SCEL: variants seen among roughly 807,000 people sequenced by gnomAD.
SCEL encodes the protein sciellin.
Under a neutral mutation model 117.6 loss-of-function variants are expected in SCEL, and 113 were observed. The observed-to-expected ratio is 0.96, with a 90% CI of 0.83 to 1.12. The LOEUF is 1.12. Among genes scored for constraint, SCEL ranks in the 50% most tolerant of loss-of-function variants. SCEL has a pLI of 0.00. For missense variants in SCEL, 785 were observed against 810.8 expected (o/e 0.97, Z 0.39); for synonymous variants, 270 against 256.2 (o/e 1.05, Z -0.51).
intron 8 of SCEL, among the ~76,000 whole-genome samples, chr13:77,571,612 C>T (rs901823535): frequency 2.6e-5 from 4 of 150,980 alleles, no homozygotes; most frequent in Non-Finnish European, 5.9e-5. Context: ...CTGCTTGAAC[C>T]CGGGAGACGG....
At chr13:77,643,982 C>T (rs2090682778) in intron 32 of SCEL, among the ~76,000 whole-genome samples, 1 of 152,074 alleles carries the variant, frequency 6.6e-6, no homozygotes, top group African/African-American at 2.4e-5. Flanking sequence ...GTTTTTATGT[C>T]TTCCTCCCTA....
intron 9 of SCEL, among the ~76,000 whole-genome samples, chr13:77,586,098 C>T (rs1296831209): frequency 1.3e-5 from 2 of 152,102 alleles, no homozygotes; most frequent in Non-Finnish European, 2.9e-5. Flanking sequence ...GTCTCTGAGA[C>T]ACTCACACTC....
At chr13:77,608,744 G>A (rs917283596) in intron 20 of SCEL, among the ~76,000 whole-genome samples, 27 of 152,162 alleles carry the variant, frequency 1.8e-4, no homozygotes, top group Non-Finnish European at 1.8e-4. Flanking sequence ...AGCATTAGAT[G>A]GAATGCTTAG....
intron 31 of SCEL, 125 bp from the exon 32 acceptor site, chr13:77,642,581 A>G (rs2090608195): frequency 1.9e-6 from 1 of 534,460 alleles, no homozygotes; most frequent in Non-Finnish European, 3.3e-6. Flanking sequence ...CTGTGAGTGA[A>G]GTAGAAAACT....
At chr13:77,581,379 T>C (rs2086252763) in intron 9 of SCEL, among the ~76,000 whole-genome samples, 1 of 152,224 alleles carries the variant, frequency 6.6e-6, no homozygotes, top group Non-Finnish European at 1.5e-5. Context: ...CAATGAATTA[T>C]TTTTTCTTCA....
chr13:77,610,054 A>G lies in SCEL; in HGVS notation c.1285A>G (p.Ser429Gly). The change falls in exon 22 of 33, where the codon AGT (serine) becomes GGT (glycine). Residue 429 changes from serine to glycine, a missense_variant. Ser to Gly is a moderately conservative substitution (Grantham distance 56, BLOSUM62 0). Transcript: ENST00000349847. ...ATTTTCTATGTTTTTAAGGGGCCAA[A>G]GTCTCGACAGCCTCATTAAAGTGAC... Reference protein sequence around the residue: ...GTEKSTEGGQSLDSLIKVTPE... With the variant: ...GTEKSTEGGQGLDSLIKVTPE... The G allele has an allele frequency of 6.2e-7, 1 of 1,609,192 alleles. No homozygotes were observed. The highest frequency in any genetic ancestry group is 8.5e-7 in the Non-Finnish European group (1 of 1,177,318).
At chr13:77,575,961 T>C (rs1012589455) in intron 9 of SCEL, among the ~76,000 whole-genome samples, 1 of 152,212 alleles carries the variant, frequency 6.6e-6, no homozygotes, top group Non-Finnish European at 1.5e-5. Flanking sequence ...CCTCTGTCTC[T>C]CCTCCTACCT....
intron 11 of SCEL, among the ~76,000 whole-genome samples, chr13:77,591,760 G>T (rs566125592): frequency 2.6e-5 from 4 of 152,184 alleles, no homozygotes; most frequent in Admixed American, 2.6e-4. Context: ...CTGCTCTGAG[G>T]TCTATGATAT....
rs377077015 is a variant in SCEL at position 77,608,338 on chromosome 13, G to A, written c.1217+223G>A. ...TGTTTGGCCGGGTACGGTGGCTCAC[G>A]CCTGTAATCCCAGCACTTTGGGAGG... On this transcript the variant is annotated intron_variant, in intron 20 of 32. Transcript: ENST00000349847. 1.4e-3 allele frequency among the ~76,000 whole-genome samples: 216 copies of A among 152,252 alleles called. 6 individuals carry two copies. The South Asian group carries it at 0.044, about 31-fold the overall frequency.
chr13:77,556,769 G>C (rs1703187127), intron 3 of SCEL, 56 bp downstream of exon 3: 2 of 1,197,188 alleles, frequency 1.7e-6, no homozygotes, highest in African/African-American at 3.0e-5. Context: ...GGCATTATCT[G>C]TTTGGGAAGC....
At chr13:77,545,964 G>A (rs2083964738) in intron 1 of SCEL, among the ~76,000 whole-genome samples, 1 of 152,198 alleles carries the variant, frequency 6.6e-6, no homozygotes, top group African/African-American at 2.4e-5. Flanking sequence ...ATTATCACCT[G>A]TAAATAGAAT....
chr13:77,587,444 A>T (rs1461634805), intron 9 of SCEL, among the ~76,000 whole-genome samples: 1 of 151,896 alleles, frequency 6.6e-6, no homozygotes, highest in Non-Finnish European at 1.5e-5. Context: ...GTAGCTACCC[A>T]TTTCTGTCTT....
At chr13:77,554,120 CAG>C (rs2084509938) in intron 1 of SCEL, among the ~76,000 whole-genome samples, 1 of 152,072 alleles carries the variant, frequency 6.6e-6, no homozygotes, top group Non-Finnish European at 1.5e-5. Context: ...GGGAGTGAGG[CAG>C]GGGGAGGCCA....
intron 24 of SCEL, 32 bp downstream of exon 24, chr13:77,613,987 C>T: frequency 6.4e-7 from 1 of 1,569,040 alleles, no homozygotes; most frequent in Non-Finnish European, 8.7e-7. Flanking sequence ...TGTTGTGTTT[C>T]TCGTTAAGTA....
intron 20 of SCEL, 58 bp downstream of exon 20, chr13:77,608,173 G>A (rs1343681436): frequency 2.9e-6 from 4 of 1,357,372 alleles, no homozygotes; most frequent in Non-Finnish European, 4.1e-6. Flanking sequence ...GTGGCACTCA[G>A]GAAAGAAGAT....
chr13:77,602,094 T>C lies in SCEL; in HGVS notation c.947T>C (p.Val316Ala). ...CAAAGCCTTGGAAGTCCGATTAAAG[T>C]TAATCAAAGGACTGACAAAAATGAG... ...GIQSLGSPIK[V>A]NQRTDKNEKG... Residue 316 changes from valine (V) to alanine (A), a missense_variant, in exon 16 of 33, where the codon GTT (valine) becomes GCT (alanine). By Grantham distance (64) the Val-to-Ala change is moderately conservative. Coordinates refer to ENST00000349847, the MANE Select transcript of SCEL (RefSeq NM_144777.3). The C allele has an allele frequency of 6.2e-7, 1 of 1,611,724 alleles. No homozygotes were observed. The highest frequency in any genetic ancestry group is 8.5e-7 in the Non-Finnish European group (1 of 1,179,032).
At position 77,608,129 on chromosome 13, in the gene SCEL, C is replaced by T. The variant is rs371996644; in HGVS notation, c.1217+14C>T. The stretch of plus-strand genomic sequence containing the variant: ...AAGTAACCAAGGGTGAGGACTATGT[C>T]TTACCTCTCTTCCTTCCCCTTCCCC... On this transcript the variant is annotated intron_variant, in intron 20 of 32. Transcript: ENST00000349847. 1 of 1,590,706 alleles carries T rather than the reference C, an allele frequency of 6.3e-7. No homozygotes were observed. Among genetic ancestry groups the T allele is most frequent in the African/African-American group, 1.3e-5 (1 of 74,188 alleles).
In SCEL at chr13:77,640,693, A is replaced by T. The variant is rs371220383; in HGVS notation, c.1856A>T (p.Asp619Val). Residue 619 changes from aspartate to valine, a missense_variant, in exon 31 of 33, where the codon GAT becomes GTT. By Grantham distance (152) the Asp-to-Val change is radical (BLOSUM62 -3). Coordinates refer to ENST00000349847, the MANE Select transcript of SCEL (RefSeq NM_144777.3). ...TTCTATAGGTCTGTCATTGAAAGAG[A>T]TATGTGCACTTACTGCCGAAAACCC... Reference protein sequence around the residue: ...STSDRSVIERDMCTYCRKPLG... With the variant: ...STSDRSVIERVMCTYCRKPLG... The T allele has an allele frequency of 2.5e-6, 4 of 1,587,518 alleles. No homozygotes were observed. In the South Asian group the frequency reaches 3.4e-5, roughly 14 times the overall value.
At chr13:77,570,800 C>T (rs2085553881) in intron 8 of SCEL, among the ~76,000 whole-genome samples, 1 of 152,206 alleles carries the variant, frequency 6.6e-6, no homozygotes, top group Non-Finnish European at 1.5e-5. Context: ...ATAATATTCA[C>T]TTACGCTTTC....
Sources: gnomAD v4.1 joint callset for allele counts (sites outside exome capture counted in the v4.1 genomes callset) on GRCh38, gnomAD v4.1.1 for gene constraint, MANE v1.5 for transcripts, NCBI Gene and HGNC (gene_info 2026-07-23, HGNC 2026-07-21) for gene names.